The following DZIP3 variants were observed in gnomAD, a reference collection of about 807,000 sequenced individuals.
DZIP3 encodes the protein DAZ interacting zinc finger protein 3, also known as E3 ubiquitin-protein ligase DZIP3.
DZIP3 carries 118 observed loss-of-function variants against 162.0 expected under a neutral mutation model. The ratio of observed to expected loss-of-function variants is 0.73; its 90% CI spans 0.63 to 0.85. The LOEUF (loss-of-function observed/expected upper bound fraction) is 0.85, where lower values mean the gene tolerates loss of function less well. Ranked by LOEUF, DZIP3 falls within the 40% of genes least tolerant of loss-of-function variation. The pLI, the probability that DZIP3 is intolerant of heterozygous loss-of-function variation, is 0.00. For synonymous variants in DZIP3, 438 were observed against 458.6 expected (o/e 0.96, Z 0.57); for missense variants, 1,331 against 1,407.0 (o/e 0.95, Z 0.86).
chr3:108,669,575 A>C (rs1330674793), intron 21 of DZIP3, 106 bp from the exon 22 acceptor site: 2 of 961,528 alleles, frequency 2.1e-6, no homozygotes, highest in Non-Finnish European at 3.1e-6. Flanking sequence ...TTGTGGCCCC[A>C]AATGGACATA....
At chr3:108,622,469 C>T (rs1353661451) in intron 5 of DZIP3, among the ~76,000 whole-genome samples, 2 of 152,138 alleles carry the variant, frequency 1.3e-5, no homozygotes, top group African/African-American at 2.4e-5. Context: ...GGATTGGCAA[C>T]TGGTGCCTTT....
intron 21 of DZIP3, among the ~76,000 whole-genome samples, chr3:108,663,647 A>G (rs1390725137): frequency 6.6e-6 from 1 of 152,182 alleles, no homozygotes; most frequent in African/African-American, 2.4e-5. Context: ...ATGTCATATA[A>G]TATCAAAGAT....
rs761468305 is a variant in DZIP3, at chr3:108,637,574, T to TTTGTTGATCTTTTCAAAGAATC, written c.1064+26_1064+27insTTGTTGATCTTTTCAAAGAATC. The TTTGTTGATCTTTTCAAAGAATC allele has an allele frequency of 1.3e-6, 2 of 1,594,118 alleles. 1 individual carries two copies. Among genetic ancestry groups the TTTGTTGATCTTTTCAAAGAATC allele is most frequent in the East Asian group, 4.5e-5 (2 of 44,346 alleles). On this transcript the variant is annotated intron_variant, in intron 12 of 32. Coordinates refer to ENST00000361582, the MANE Select transcript of DZIP3 (RefSeq NM_014648.4). Reference sequence around the variant, plus strand: ...GTAAGCTTAAAATAAAATACTCTGTTACCTTTTTTGGAATATGCATATATT... The same window carrying TTTGTTGATCTTTTCAAAGAATC: ...GTAAGCTTAAAATAAAATACTCTGTTTTGTTGATCTTTTCAAAGAATCACCTTTTTTGGAATATGCATATATT...
chr3:108,646,744 T>C (rs1241416070), intron 15 of DZIP3, 95 bp downstream of exon 15: 7 of 985,550 alleles, frequency 7.1e-6, no homozygotes, highest in Non-Finnish European at 1.0e-5. Flanking sequence ...TGATAAACTA[T>C]AATTGTGAAG....
At position 108,661,895 on chromosome 3, in the gene DZIP3, A is replaced by C; in HGVS notation, c.2218A>C (p.Thr740Pro). 1 of 1,613,678 alleles carries C rather than the reference A, an allele frequency of 6.2e-7. No individual in the cohort carries two copies. Among genetic ancestry groups the C allele is most frequent in the East Asian group, 2.2e-5 (1 of 44,850 alleles). ...MIEQGSAGKVTTDYGETEKER... is the reference protein window; with the variant it reads ...MIEQGSAGKVPTDYGETEKER... ...TCAATAGGGCTCAGCTGGCAAAGTA[A>C]CTACAGACTATGGAGAAACTGAAAA... The change falls in exon 20 of 33, where the codon ACT becomes CCT. Residue 740 changes from threonine (T) to proline (P), a missense_variant. Transcript: ENST00000361582.
intron 3 of DZIP3, among the ~76,000 whole-genome samples, chr3:108,609,324 G>A (rs181055310): frequency 1.3e-5 from 2 of 152,262 alleles, no homozygotes; most frequent in Admixed American, 1.3e-4. Context: ...TGTAAAAAAT[G>A]CTGCAGAGGA....
In DZIP3 at chr3:108,644,783, T is replaced by A; in HGVS notation, c.1759+2T>A. On this transcript the variant is annotated splice_donor_variant, in intron 14 of 32. Coordinates refer to ENST00000361582, the MANE Select transcript of DZIP3 (RefSeq NM_014648.4). LOFTEE classifies it high-confidence loss of function. ...GGATGTTATCCTGCTATCAACAAGGTACTAAATGATTATTTACTTCAGCCA... is the reference window on the plus strand; with the variant it reads ...GGATGTTATCCTGCTATCAACAAGGAACTAAATGATTATTTACTTCAGCCA... 1 of 1,590,602 alleles carries A rather than the reference T, an allele frequency of 6.3e-7. No individual in the cohort carries two copies. Among genetic ancestry groups the A allele is most frequent in the Non-Finnish European group, 8.5e-7 (1 of 1,170,050 alleles).
chr3:108,627,306 A>T (rs946284659), intron 7 of DZIP3, among the ~76,000 whole-genome samples: 1 of 152,238 alleles, frequency 6.6e-6, no homozygotes, highest in African/African-American at 2.4e-5. Context: ...GTCCAGTTGT[A>T]TGGCAGTATC....
chr3:108,672,994 C>G (rs958568724), intron 23 of DZIP3, among the ~76,000 whole-genome samples: 2 of 151,876 alleles, frequency 1.3e-5, no homozygotes, highest in African/African-American at 4.8e-5. Flanking sequence ...TTACTGCTGC[C>G]ACAATATCTT....
At chr3:108,685,655 C>T (rs1013113254) in intron 27 of DZIP3, among the ~76,000 whole-genome samples, 7 of 152,148 alleles carry the variant, frequency 4.6e-5, no homozygotes, top group Admixed American at 1.3e-4. Context: ...TTGTCTACAA[C>T]ATTGATGAGA....
intron 27 of DZIP3, among the ~76,000 whole-genome samples, chr3:108,685,155 A>G (rs1944453042): frequency 6.6e-6 from 1 of 152,184 alleles, no homozygotes; most frequent in South Asian, 2.1e-4. Flanking sequence ...AAATCTGTAT[A>G]TAGTCCTTAA....
chr3:108,666,392 G>A (rs564497699), intron 21 of DZIP3, among the ~76,000 whole-genome samples: 1 of 152,192 alleles, frequency 6.6e-6, no homozygotes, highest in East Asian at 1.9e-4. Context: ...CAAAACACAT[G>A]AAGTAAAACC....
intron 4 of DZIP3, among the ~76,000 whole-genome samples, chr3:108,616,040 G>A (rs148558808): frequency 8.2e-4 from 125 of 152,242 alleles, no homozygotes; most frequent in African/African-American, 2.8e-3. Flanking sequence ...CAAGGCAGGC[G>A]GATCACGAGG....
At chr3:108,662,652 G>A (rs956576323) in intron 21 of DZIP3, among the ~76,000 whole-genome samples, 1 of 152,128 alleles carries the variant, frequency 6.6e-6, no homozygotes, top group East Asian at 1.9e-4. Context: ...TCTTTCATTT[G>A]TGTTCTAAGC....
intron 26 of DZIP3, among the ~76,000 whole-genome samples, chr3:108,678,678 A>T (rs1944198521): frequency 6.6e-6 from 1 of 151,928 alleles, no homozygotes; most frequent in South Asian, 2.1e-4. Flanking sequence ...AGCTTTCCAA[A>T]AGACCTTTTA....
intron 8 of DZIP3, among the ~76,000 whole-genome samples, chr3:108,632,341 G>A (rs1424879218): frequency 6.6e-6 from 1 of 152,182 alleles, no homozygotes; most frequent in Non-Finnish European, 1.5e-5. Flanking sequence ...CTGGGCTCAA[G>A]CAGTCTCCCT....
In DZIP3 at chr3:108,674,157, C is replaced by T; in HGVS notation, c.2669C>T (p.Ala890Val). 2 of 1,612,224 alleles carry T rather than the reference C, an allele frequency of 1.2e-6. No homozygotes were observed. Among genetic ancestry groups the T allele is most frequent in the Non-Finnish European group, 1.7e-6 (2 of 1,178,862 alleles). The change falls in exon 24 of 33, where the codon GCC becomes GTC. Residue 890 changes from alanine to valine, a missense_variant. This residue lies in a region of DZIP3 where 1,278 missense variants were observed against 1,317.1 expected (regional missense o/e 0.97). Transcript: ENST00000361582. ...QTEKECLNQLARVTHMAASNL... is the reference protein window; with the variant it reads ...QTEKECLNQLVRVTHMAASNL... ...GAAAAGGAATGTCTCAATCAGCTTG[C>T]CAGGGTGACTCACATGGCAGCAAGG...
intron 29 of DZIP3, among the ~76,000 whole-genome samples, 190 bp downstream of exon 29, chr3:108,688,286 C>G (rs1325362838): frequency 3.9e-5 from 6 of 152,124 alleles, no homozygotes; most frequent in Non-Finnish European, 8.8e-5. Flanking sequence ...TACCTGTTAC[C>G]TAATCATTCT....
intron 23 of DZIP3, among the ~76,000 whole-genome samples, chr3:108,673,812 C>T (rs571508532): frequency 1.3e-5 from 2 of 151,996 alleles, no homozygotes; most frequent in Admixed American, 6.6e-5. Context: ...TTGAAAGTTT[C>T]TGAGACGATT....
Sources: allele counts gnomAD v4.1 joint callset (sites outside exome capture counted in the v4.1 genomes callset), GRCh38; gene constraint gnomAD v4.1.1; regional missense constraint gnomAD v4.1.1; transcripts MANE v1.5; gene names NCBI Gene and HGNC (gene_info 2026-07-23, HGNC 2026-07-21).